Variants in TAF4 observed in about 807,000 individuals in gnomAD.
The protein encoded by TAF4 is TATA-box binding protein associated factor 4.
Under a neutral mutation model 90.3 loss-of-function variants are expected in TAF4, and 9 were observed. The ratio of observed to expected loss-of-function variants is 0.10; its 90% CI spans 0.06 to 0.17. The LOEUF is 0.17. TAF4 is among the 10% of genes least tolerant of loss of function. The pLI is 1.00. For missense variants in TAF4, 1,351 were observed against 1,370.7 expected, an observed-to-expected ratio of 0.99 and a Z score of 0.23; for synonymous variants, 818 against 638.9, an observed-to-expected ratio of 1.28 and a Z score of -4.23.
chr20:61,978,675 G>A (rs1490552215), intron 14 of TAF4, among the ~76,000 whole-genome samples: 1 of 151,058 alleles, frequency 6.6e-6, no homozygotes, highest in African/African-American at 2.4e-5. Flanking sequence ...GGCCGGGGGC[G>A]AGACCAACCA....
chr20:62,000,071 G>C, intron 11 of TAF4, 53 bp downstream of exon 11: 2 of 1,613,738 alleles, frequency 1.2e-6, no homozygotes, highest in Non-Finnish European at 1.7e-6. Context: ...CCAGCCAGCA[G>C]AGAGTGGGGG....
chr20:62,056,261 G>A (rs744777), intron 1 of TAF4, among the ~76,000 whole-genome samples: 4,360 of 152,182 alleles, frequency 0.029, 198 homozygotes, highest in African/African-American at 0.095. Flanking sequence ...AAACAAGAAC[G>A]CGCTTATACA....
chr20:62,022,148 C>T (rs1162694608), intron 1 of TAF4, among the ~76,000 whole-genome samples: 1 of 151,948 alleles, frequency 6.6e-6, no homozygotes, highest in Non-Finnish European at 1.5e-5. Context: ...AAAGTGTCTG[C>T]GCCGTGGAGA....
rs1488709894 is a variant in TAF4, at chr20:62,064,501, G to T, written c.1310C>A (p.Pro437Gln). The T allele has an allele frequency of 6.6e-7, 1 of 1,517,076 alleles. No individual in the cohort carries two copies. 94.0% of individuals were successfully genotyped at this position (1,517,076 alleles called of 1,614,324 possible). ...GTTGGTCGGGTTCTGAGGCGGCTGC[G>T]GCAAGCGGGGGGCCAGCACGGTGGG... ...LTPTVLAPRL[P>Q]QPPQNPTNIQ... The change falls in exon 1 of 15, where the codon CCG becomes CAG. Residue 437 changes from proline to glutamine, a missense_variant. Coordinates refer to ENST00000252996, the MANE Select transcript of TAF4 (RefSeq NM_003185.4).
chr20:62,064,949 C>CA lies in TAF4; in HGVS notation c.861_862insT (p.Ala288CysfsTer174). 2.3e-6 allele frequency: 1 copy of CA among 444,300 alleles called. No homozygotes were observed. The highest frequency in any genetic ancestry group is 2.8e-6 in the Non-Finnish European group (1 of 363,118). 27.5% of individuals were successfully genotyped at this position (444,300 alleles called of 1,614,324 possible). A position where few individuals can be genotyped will look rare whatever the true frequency, so the allele number is the denominator to read the frequency against. ...GCGGGCGCGGCGGTCGGGGGTCCGG[C>CA]GGGGTGGCCGGGCGGCCGGGCCAGA... On this transcript the variant is annotated frameshift_variant, in exon 1 of 15. Coordinates refer to ENST00000252996, the MANE Select transcript of TAF4 (RefSeq NM_003185.4). LOFTEE classifies it high-confidence loss of function.
At chr20:62,009,217 C>T (rs2055764461) in intron 4 of TAF4, 43 bp from the exon 5 acceptor site, 3 of 1,566,536 alleles carry the variant, frequency 1.9e-6, no homozygotes, top group Admixed American at 3.8e-5. Context: ...TCTTAAAAGG[C>T]AGATTTTTGT....
chr20:62,002,169 C>T (rs1004043091), intron 9 of TAF4, among the ~76,000 whole-genome samples: 1 of 152,216 alleles, frequency 6.6e-6, no homozygotes, highest in South Asian at 2.1e-4. Context: ...GTGTATGTCC[C>T]TAAGTGCCCT....
chr20:62,064,639 G>T lies in TAF4; in HGVS notation c.1172C>A (p.Pro391Gln). The T allele has an allele frequency of 7.5e-7, 1 of 1,333,552 alleles. No homozygotes were observed. The allele number at this position is 1,333,552 out of a possible 1,614,324, so 82.6% of individuals were successfully genotyped here. Residue 391 changes from proline (P) to glutamine (Q), a missense_variant, in exon 1 of 15, where the codon CCG becomes CAG. Pro to Gln is a moderately conservative substitution (Grantham distance 76). Coordinates refer to ENST00000252996, the MANE Select transcript of TAF4 (RefSeq NM_003185.4). ...CCCGGTGGGGGTCCCGGGGGCGGGC[G>T]GCGGGACGGCGGCCGGGCTGGGCAG... ...GALPSPAAVP[P>Q]PAPGTPTGLP...
intron 14 of TAF4, among the ~76,000 whole-genome samples, chr20:61,977,309 C>A (rs372303436): frequency 6.6e-6 from 1 of 152,254 alleles, no homozygotes; most frequent in Non-Finnish European, 1.5e-5. Flanking sequence ...TCATTTCCCC[C>A]AGCTGGCATG....
intron 7 of TAF4, chr20:62,005,459 A>G (rs2055738526): frequency 6.6e-6 from 1 of 152,290 alleles, no homozygotes; most frequent in African/African-American, 2.4e-5. Flanking sequence ...TGGCAAGAAA[A>G]TGATTGCCCA....
At chr20:62,031,315 A>G (rs2055903162) in intron 1 of TAF4, among the ~76,000 whole-genome samples, 1 of 152,220 alleles carries the variant, frequency 6.6e-6, no homozygotes, top group East Asian at 1.9e-4. Flanking sequence ...GCATGTGCAG[A>G]ATCAGGCTGT....
rs1234149827 is a variant in TAF4 at position 61,999,305 on chromosome 20, C to T, written c.2788-197G>A. 3.9e-5 allele frequency among the ~76,000 whole-genome samples: 6 copies of T among 152,196 alleles called. No homozygotes were observed. The East Asian group carries it at 1.2e-3, about 29-fold the overall frequency. ...GATGCTCACGTCCACAGAACGAAGT[C>T]TCGTGTTGGCTGTCTCAGGGGCACA... On this transcript the variant is annotated intron_variant, in intron 11 of 14. Transcript: ENST00000252996.
intron 1 of TAF4, 142 bp downstream of exon 1, chr20:62,064,309 G>A: frequency 4.9e-6 from 5 of 1,024,738 alleles, no homozygotes; most frequent in Non-Finnish European, 6.3e-6. Flanking sequence ...CCGCACCTGG[G>A]TAGAGACTGC....
At chr20:62,046,894 C>T (rs2055996413) in intron 1 of TAF4, among the ~76,000 whole-genome samples, 1 of 152,176 alleles carries the variant, frequency 6.6e-6, no homozygotes, top group Non-Finnish European at 1.5e-5. Context: ...AAACCTTCTG[C>T]CCATTTTTAA....
chr20:62,034,685 T>C (rs985087282), intron 1 of TAF4, among the ~76,000 whole-genome samples: 3 of 152,118 alleles, frequency 2.0e-5, no homozygotes, highest in Non-Finnish European at 4.4e-5. Flanking sequence ...CAGAATGTCC[T>C]GGAATGCCCT....
chr20:62,065,739 G>A lies in TAF4; in HGVS notation c.72C>T (p.Asp24=), dbSNP rs549807441. Residue 24 remains aspartate, a synonymous_variant, in exon 1 of 15, where the codon GAC becomes GAT. Transcript: ENST00000252996. ...GCTGCGACTCCAGCGAGCCCACCAG[G>A]TCGCTCACCACTTTCTCGTCCACCT... is the stretch of plus-strand genomic sequence containing the variant. ...NSEVDEKVVS[D]LVGSLESQLA... The A allele has an allele frequency of 5.2e-6, 7 of 1,334,810 alleles. No individual in the cohort carries two copies. The Admixed American group carries it at 1.8e-4, about 35-fold the overall frequency. 82.7% of individuals were successfully genotyped at this position (1,334,810 alleles called of 1,614,324 possible).
Position 61,998,076 on chromosome 20 carries a change from C to T in TAF4, c.2970+60G>A. The T allele has an allele frequency of 4.0e-6, 6 of 1,510,988 alleles. No individual in the cohort carries two copies. In the South Asian group the frequency reaches 6.1e-5, roughly 15 times the overall value. The allele number at this position is 1,510,988 out of a possible 1,614,324, so 93.6% of individuals were successfully genotyped here. A position where few individuals can be genotyped will look rare whatever the true frequency, so the allele number is the denominator to read the frequency against. On this transcript the variant is annotated intron_variant, in intron 13 of 14. Transcript: ENST00000252996. ...GCCACGGTTTCCTTAGCCCCCCTCC[C>T]GTGGGGCGCTACAGTGCACAGCAAA... is the stretch of plus-strand genomic sequence containing the variant.
At chr20:61,990,745 G>A (rs1243638114) in intron 14 of TAF4, among the ~76,000 whole-genome samples, 1 of 152,214 alleles carries the variant, frequency 6.6e-6, no homozygotes, top group Non-Finnish European at 1.5e-5. Flanking sequence ...GAGCAGGACA[G>A]GGACAAGGAA....
chr20:61,981,759 A>G (rs2055542444), intron 14 of TAF4, among the ~76,000 whole-genome samples: 1 of 150,666 alleles, frequency 6.6e-6, no homozygotes, highest in African/African-American at 2.5e-5. Flanking sequence ...ACCACACCCC[A>G]CCCGAGAGGA....
Sources: allele counts gnomAD v4.1 joint callset (sites outside exome capture counted in the v4.1 genomes callset), GRCh38; gene constraint gnomAD v4.1.1; transcripts MANE v1.5; gene names NCBI Gene and HGNC (gene_info 2026-07-23, HGNC 2026-07-21).